Variants in RTL1 observed in about 807,000 individuals in gnomAD.
RTL1 encodes the protein retrotransposon Gag like 1.
For synonymous variants in RTL1, 727 were observed against 748.4 expected, an observed-to-expected ratio of 0.97 and a Z score of 0.47; for missense variants, 1,681 against 1,767.5, an observed-to-expected ratio of 0.95 and a Z score of 0.88.
intron 3 of RTL1, among the ~76,000 whole-genome samples, chr14:100,890,403 G>A (rs888609991): frequency 1.3e-5 from 2 of 150,686 alleles, no homozygotes; most frequent in Admixed American, 1.3e-4. Flanking sequence ...AATAGAGCTT[G>A]GAAGAGGAGA....
chr14:100,884,160 C>T lies in RTL1; in HGVS notation c.629G>A (p.Arg210His), dbSNP rs1223501261. 6 of 1,551,610 alleles carry T rather than the reference C, an allele frequency of 3.9e-6. No homozygotes were observed. Among genetic ancestry groups the T allele is most frequent in the Non-Finnish European group, 5.2e-6 (6 of 1,146,990 alleles). Residue 210 changes from arginine to histidine, a missense_variant, in exon 4 of 4, where the codon CGC becomes CAC. Transcript: ENST00000649591. ...LPAPKHFSGD[R>H]REFHEFIVLC... ...TACGATGAACTCGTGGAATTCTCTG[C>T]GATCGCCAGAGAAGTGCTTTGGGGC...
Position 100,899,347 on chromosome 14 carries a change from C to G in RTL1, c.-149+3944G>C, listed in dbSNP as rs139030353. 4.4e-4 allele frequency among the ~76,000 whole-genome samples: 67 copies of G among 152,326 alleles called. 1 individual carries two copies. The highest frequency in any genetic ancestry group is 1.4e-3 in the African/African-American group (60 of 41,576). ...TCCTCCTTGCCAGAGGTAAACGGGTCTGGTCCCAGAACAGGAGGAGGACAT... is the reference window on the plus strand; with the variant it reads ...TCCTCCTTGCCAGAGGTAAACGGGTGTGGTCCCAGAACAGGAGGAGGACAT... On this transcript the variant is annotated intron_variant, in intron 2 of 3. Coordinates refer to ENST00000649591, the MANE Select transcript of RTL1 (RefSeq NM_001134888.3).
Position 100,881,490 on chromosome 14 carries a change from C to T in RTL1, c.3299G>A (p.Arg1100His), listed in dbSNP as rs899187796. 3.2e-6 allele frequency: 5 copies of T among 1,551,322 alleles called. No individual in the cohort carries two copies. The highest frequency in any genetic ancestry group is 2.7e-5 in the African/African-American group (2 of 73,028). ...LALAAILVLL[R>H]VRQCLSLRPA... ...CCGCAGCGAGAGGCATTGCCTCACG[C>T]GCAGTAGCACGAGGATGGCTGCCAG... Residue 1100 changes from arginine to histidine, a missense_variant, in exon 4 of 4, where the codon CGC (arginine) becomes CAC (histidine). Coordinates refer to ENST00000649591, the MANE Select transcript of RTL1 (RefSeq NM_001134888.3). This position sits in a 1 kb window ranked among gnomAD's most constrained non-coding sequence, Gnocchi z 6.6.
chr14:100,882,485 G>T lies in RTL1; in HGVS notation c.2304C>A (p.Ser768Arg). The change falls in exon 4 of 4, where the codon AGC (serine) becomes AGA (arginine). Residue 768 changes from serine (S) to arginine (R), a missense_variant. Physicochemically the swap from Ser to Arg is moderately radical, Grantham distance 110. Coordinates refer to ENST00000649591, the MANE Select transcript of RTL1 (RefSeq NM_001134888.3). Reference protein sequence around the residue: ...HHNVYCSLDKSQFHRQTVEFL... With the variant: ...HHNVYCSLDKRQFHRQTVEFL... The stretch of plus-strand genomic sequence containing the variant: ...ATTCCACGGTTTGGCGGTGGAACTG[G>T]CTCTTGTCCAGGGAGCAGTAGACGT... The T allele has an allele frequency of 6.4e-7, 1 of 1,552,042 alleles. No individual in the cohort carries two copies. The highest frequency in any genetic ancestry group is 8.7e-7 in the Non-Finnish European group (1 of 1,147,102).
chr14:100,885,899 T>C (rs2038691508), intron 3 of RTL1, among the ~76,000 whole-genome samples: 1 of 152,170 alleles, frequency 6.6e-6, no homozygotes, highest in South Asian at 2.1e-4. Context: ...TGTTGCTGGT[T>C]GAGCCCTCCC....
rs750308012 is a variant in RTL1 at position 100,881,844 on chromosome 14, A to G, written c.2945T>C (p.Met982Thr). 2.5e-6 allele frequency: 4 copies of G among 1,613,818 alleles called. No individual in the cohort carries two copies. In the South Asian group the frequency reaches 3.3e-5, roughly 13 times the overall value. The change falls in exon 4 of 4, where the codon ATG becomes ACG. Residue 982 changes from methionine (M) to threonine (T), a missense_variant. By Grantham distance (81) the Met-to-Thr change is moderately conservative (BLOSUM62 -1). Transcript: ENST00000649591. The surrounding 1 kb of genome is among the most constrained non-coding windows in gnomAD (Gnocchi z 6.6). ...FFFSHFNFDV[M>T]ELPEQDGGRA... The stretch of plus-strand genomic sequence containing the variant: ...GCCGCCGTCTTGTTCTGGCAGCTCC[A>G]TGACGTCAAAGTTGAAGTGGGAGAA...
rs1406586001 is a variant in RTL1, at chr14:100,882,037, A to T, written c.2752T>A (p.Ser918Thr). Residue 918 changes from serine to threonine, a missense_variant, in exon 4 of 4, where the codon TCT becomes ACT. Physicochemically the swap from Ser to Thr is moderately conservative, Grantham distance 58. Transcript: ENST00000649591. ...GGAAGAATCTTCATCTCCGCTTGAG[A>T]GTACTCAACCTCGATAGGGGAGATG... is the stretch of plus-strand genomic sequence containing the variant. Reference protein sequence around the residue: ...RNISPIEVEYSQAEMKILPIR... With the variant: ...RNISPIEVEYTQAEMKILPIR... The T allele has an allele frequency of 6.2e-7, 1 of 1,613,682 alleles. No individual in the cohort carries two copies. The highest frequency in any genetic ancestry group is 1.7e-5 in the Admixed American group (1 of 59,980).
In RTL1 at chr14:100,884,082, A is replaced by G. The variant is rs535355439; in HGVS notation, c.707T>C (p.Leu236Pro). The G allele has an allele frequency of 6.4e-7, 1 of 1,551,716 alleles. No individual in the cohort carries two copies. The highest frequency in any genetic ancestry group is 1.4e-5 in the African/African-American group (1 of 73,188). Reference protein sequence around the residue: ...SYPRMFYNDRLRVGYVINHLS... With the variant: ...SYPRMFYNDRPRVGYVINHLS... ...GTGATTGATGACATAGCCAACTCTC[A>G]GACGGTCGTTATAGAACATTCTTGG... The change falls in exon 4 of 4, where the codon CTG becomes CCG. Residue 236 changes from leucine (L) to proline (P), a missense_variant. Coordinates refer to ENST00000649591, the MANE Select transcript of RTL1 (RefSeq NM_001134888.3).
At position 100,882,486 on chromosome 14, in the gene RTL1, C is replaced by T; in HGVS notation, c.2303G>A (p.Ser768Asn). The T allele has an allele frequency of 6.4e-7, 1 of 1,552,008 alleles. No homozygotes were observed. The highest frequency in any genetic ancestry group is 8.7e-7 in the Non-Finnish European group (1 of 1,147,110). Residue 768 changes from serine to asparagine, a missense_variant, in exon 4 of 4, where the codon AGC becomes AAC. Ser to Asn is a conservative substitution (Grantham distance 46). Coordinates refer to ENST00000649591, the MANE Select transcript of RTL1 (RefSeq NM_001134888.3). ...TTCCACGGTTTGGCGGTGGAACTGGCTCTTGTCCAGGGAGCAGTAGACGTT... is the reference window on the plus strand; with the variant it reads ...TTCCACGGTTTGGCGGTGGAACTGGTTCTTGTCCAGGGAGCAGTAGACGTT... ...HHNVYCSLDK[S>N]QFHRQTVEFL...
chr14:100,898,739 C>T (rs1050930388), intron 2 of RTL1, among the ~76,000 whole-genome samples: 4 of 152,326 alleles, frequency 2.6e-5, no homozygotes, highest in East Asian at 1.9e-4. Context: ...AGTTTCTCCC[C>T]GGCCTTAAAG....
intron 3 of RTL1, among the ~76,000 whole-genome samples, chr14:100,886,005 T>C (rs1004295084): frequency 6.6e-6 from 1 of 152,136 alleles, no homozygotes; most frequent in African/African-American, 2.4e-5. Context: ...AGTGGATTTT[T>C]GGAAATCTAG....
In RTL1 at chr14:100,880,954, G is replaced by C. The variant is rs375409115; in HGVS notation, c.3835C>G (p.Arg1279Gly). 1 of 1,548,314 alleles carries C rather than the reference G, an allele frequency of 6.5e-7. No homozygotes were observed. The highest frequency in any genetic ancestry group is 8.7e-7 in the Non-Finnish European group (1 of 1,145,544). The change falls in exon 4 of 4, where the codon CGC (arginine) becomes GGC (glycine). Residue 1279 changes from arginine to glycine, a missense_variant. Transcript: ENST00000649591. ...TGGGGATCCATCAGGTGGCGTGGGC[G>C]GGGTGGGTGGGTGGCTGCTGTGTGG... Reference protein sequence around the residue: ...PSHTAATHPPRPRHLMDPQVL... With the variant: ...PSHTAATHPPGPRHLMDPQVL...
intron 3 of RTL1, among the ~76,000 whole-genome samples, chr14:100,892,539 C>A (rs1159578329): frequency 5.3e-5 from 8 of 152,214 alleles, no homozygotes; most frequent in Admixed American, 5.2e-4. Flanking sequence ...AAGATTTGGA[C>A]AGCATTTCAT....
chr14:100,891,564 C>T (rs1189746085), intron 3 of RTL1, among the ~76,000 whole-genome samples: 1 of 152,216 alleles, frequency 6.6e-6, no homozygotes, highest in Non-Finnish European at 1.5e-5. Context: ...TGTGTCCCTG[C>T]CCCCTCTATG....
chr14:100,882,958 G>A lies in RTL1; in HGVS notation c.1831C>T (p.Pro611Ser), dbSNP rs775956721. The A allele has an allele frequency of 1.2e-6, 2 of 1,613,786 alleles. No individual in the cohort carries two copies. The highest frequency in any genetic ancestry group is 1.7e-6 in the Non-Finnish European group (2 of 1,179,990). Residue 611 changes from proline to serine, a missense_variant, in exon 4 of 4, where the codon CCC becomes TCC. Coordinates refer to ENST00000649591, the MANE Select transcript of RTL1 (RefSeq NM_001134888.3). ...SDHSETFYEC[P>S]STAPWEPVGA... ...ACAGGTTCCCAAGGCGCGGTGGAGG[G>A]ACACTCGTAAAAGGTCTCGCTGTGA...
intron 2 of RTL1, among the ~76,000 whole-genome samples, chr14:100,896,098 C>G (rs905117784): frequency 1.3e-5 from 2 of 151,020 alleles, no homozygotes; most frequent in African/African-American, 4.9e-5. Flanking sequence ...AGAAAAATTG[C>G]AAAACTATAG....
At chr14:100,890,091 A>G (rs1053713172) in intron 3 of RTL1, among the ~76,000 whole-genome samples, 1 of 151,434 alleles carries the variant, frequency 6.6e-6, no homozygotes, top group Non-Finnish European at 1.5e-5. Flanking sequence ...AAAAAAAAAA[A>G]AAGAAGCCCA....
rs1220694200 is a variant in RTL1 at position 100,881,415 on chromosome 14, C to T, written c.3374G>A (p.Arg1125Gln). Residue 1125 changes from arginine (R) to glutamine (Q), a missense_variant, in exon 4 of 4, where the codon CGA (arginine) becomes CAA (glutamine). Arg to Gln is a conservative substitution (Grantham distance 43). Transcript: ENST00000649591. This position sits in a 1 kb window ranked among gnomAD's most constrained non-coding sequence, Gnocchi z 6.6. ...GATGAGGGACGAATCCAGGATGAGT[C>T]GTAGGGAGCGCTGGGGCTGGGGCCG... ...VARPQPQRSL[R>Q]LILDSSLIAG... 4.2e-5 allele frequency: 65 copies of T among 1,550,668 alleles called. No individual in the cohort carries two copies. In the Admixed American group the frequency reaches 9.6e-4, roughly 23 times the overall value.
rs755672293 is a variant in RTL1, at chr14:100,881,239, G to A, written c.3550C>T (p.Arg1184Ter). Reference protein sequence around the residue: ...QRNALHSQAHRGLQFTPGFWL... With the variant: ...QRNALHSQAH ...AAGCCAGGGGTGAACTGCAGGCCTC[G>A]GTGGGCCTGGGAGTGCAGAGCATTT... The change falls in exon 4 of 4, where the codon CGA becomes TGA. Residue 1184 changes from arginine to a stop codon, truncating the protein, a stop_gained. Coordinates refer to ENST00000649591, the MANE Select transcript of RTL1 (RefSeq NM_001134888.3). LOFTEE classifies it low-confidence loss of function (END_TRUNC). This position sits in a 1 kb window ranked among gnomAD's most constrained non-coding sequence, Gnocchi z 6.6. 7 of 1,548,402 alleles carry A rather than the reference G, an allele frequency of 4.5e-6. No individual in the cohort carries two copies. Among genetic ancestry groups the A allele is most frequent in the Non-Finnish European group, 4.4e-6 (5 of 1,145,708 alleles).
Sources: allele counts gnomAD v4.1 joint callset (sites outside exome capture counted in the v4.1 genomes callset), GRCh38; gene constraint gnomAD v4.1.1; non-coding constraint Gnocchi (gnomAD v3.1); transcripts MANE v1.5; gene names NCBI Gene and HGNC (gene_info 2026-07-23, HGNC 2026-07-21).